EYA4: variants seen among roughly 807,000 people sequenced by gnomAD.
EYA4 encodes the protein protein phosphatase EYA4.
In EYA4, 31 loss-of-function variants were observed where a neutral mutation model predicts 87.9. The ratio of observed to expected loss-of-function variants is 0.35; its 90% CI spans 0.27 to 0.48. The LOEUF (loss-of-function observed/expected upper bound fraction) is 0.48. Among genes scored for constraint, EYA4 ranks in the 20% least tolerant of loss-of-function variants. EYA4 has a pLI of 0.99. For synonymous variants in EYA4, 263 were observed against 270.6 expected (o/e 0.97, Z 0.28); for missense variants, 678 against 761.4 (o/e 0.89, Z 1.29).
intron 2 of EYA4, among the ~76,000 whole-genome samples, chr6:133,364,666 A>G (rs763658205): frequency 3.4e-4 from 51 of 152,176 alleles, no homozygotes; most frequent in Non-Finnish European, 4.7e-4. Context: ...TCAGGTTATG[A>G]GTTTGCCAGG....
intron 3 of EYA4, among the ~76,000 whole-genome samples, chr6:133,418,506 C>T (rs74432100): frequency 0.028 from 4,193 of 152,272 alleles, 98 homozygotes; most frequent in Middle Eastern, 0.048. Flanking sequence ...TTTTCTTTGA[C>T]ATTTAACATT....
chr6:133,492,757 C>T (rs1487647609), intron 13 of EYA4, among the ~76,000 whole-genome samples: 1 of 152,088 alleles, frequency 6.6e-6, no homozygotes, highest in East Asian at 1.9e-4. Context: ...AGTAAAGTTG[C>T]AGGATACAGA....
chr6:133,357,140 G>A (rs1212476056), intron 2 of EYA4, among the ~76,000 whole-genome samples: 3 of 151,286 alleles, frequency 2.0e-5, no homozygotes, highest in South Asian at 2.1e-4. Context: ...GCTTCGTGGC[G>A]GGCGCCTGTA....
chr6:133,262,260 G>A (rs1775856157), intron 1 of EYA4, among the ~76,000 whole-genome samples: 1 of 152,216 alleles, frequency 6.6e-6, no homozygotes, highest in African/African-American at 2.4e-5. Context: ...TGAGAAAAAG[G>A]CAGATTGCTT....
intron 11 of EYA4, among the ~76,000 whole-genome samples, chr6:133,480,468 C>T (rs866321607): frequency 1.3e-5 from 2 of 152,116 alleles, no homozygotes; most frequent in Non-Finnish European, 2.9e-5. Flanking sequence ...CAGCCACTGG[C>T]CACACGTGAC....
chr6:133,430,145 T>G (rs1197576800), intron 3 of EYA4, among the ~76,000 whole-genome samples: 2 of 152,228 alleles, frequency 1.3e-5, no homozygotes, highest in African/African-American at 4.8e-5. Context: ...CTGCAGTAAA[T>G]TCACTTAGGA....
chr6:133,440,293 G>A (rs1792145463), intron 3 of EYA4, among the ~76,000 whole-genome samples: 1 of 152,212 alleles, frequency 6.6e-6, no homozygotes, highest in Middle Eastern at 3.4e-3. Flanking sequence ...CATATTTGAG[G>A]TGCTTACTTT....
At chr6:133,339,152 T>C (rs1268155220) in intron 2 of EYA4, among the ~76,000 whole-genome samples, 1 of 152,122 alleles carries the variant, frequency 6.6e-6, no homozygotes, top group Non-Finnish European at 1.5e-5. Context: ...GGTGAGAGTT[T>C]GGATAGCCTG....
At chr6:133,423,503 A>G (rs1790394391) in intron 3 of EYA4, among the ~76,000 whole-genome samples, 1 of 152,210 alleles carries the variant, frequency 6.6e-6, no homozygotes, top group Admixed American at 6.5e-5. Context: ...GTTTGATACA[A>G]TGTTTCATTG....
chr6:133,492,393 A>G (rs1257220201), intron 13 of EYA4, among the ~76,000 whole-genome samples: 1 of 152,226 alleles, frequency 6.6e-6, no homozygotes, highest in Non-Finnish European at 1.5e-5. Flanking sequence ...TATTTGATAA[A>G]ATTCAACATC....
intron 2 of EYA4, among the ~76,000 whole-genome samples, chr6:133,333,554 G>A (rs1782141038): frequency 6.6e-6 from 1 of 152,098 alleles, no homozygotes; most frequent in African/African-American, 2.4e-5. Flanking sequence ...CTTGGTGACA[G>A]TCTCTCAATA....
intron 3 of EYA4, among the ~76,000 whole-genome samples, chr6:133,410,834 C>A (rs971966537): frequency 1.3e-4 from 19 of 151,808 alleles, no homozygotes; most frequent in Non-Finnish European, 2.7e-4. Context: ...GGCATTGTTG[C>A]ATTTTACCAT....
At chr6:133,448,394 A>G (rs1179021752) in intron 5 of EYA4, among the ~76,000 whole-genome samples, 2 of 152,158 alleles carry the variant, frequency 1.3e-5, no homozygotes, top group African/African-American at 4.8e-5. Flanking sequence ...TAGTATTAGT[A>G]TTCTTTTCTT....
intron 3 of EYA4, among the ~76,000 whole-genome samples, chr6:133,441,026 A>G (rs981929022): frequency 1.3e-5 from 2 of 152,114 alleles, no homozygotes; most frequent in Non-Finnish European, 2.9e-5. Flanking sequence ...GTGGTGCTGT[A>G]AGGCTCTGGG....
At chr6:133,491,271 A>G (rs1797128958) in intron 13 of EYA4, among the ~76,000 whole-genome samples, 1 of 152,162 alleles carries the variant, frequency 6.6e-6, no homozygotes, top group African/African-American at 2.4e-5. Flanking sequence ...ACTTCAAATA[A>G]ACCACCTAAT....
At chr6:133,502,761 C>T (rs1460811368) in intron 13 of EYA4, 1 of 151,730 alleles carries the variant, frequency 6.6e-6, no homozygotes, top group African/African-American at 2.4e-5. Context: ...ATCACCACCT[C>T]TTACAGGCAT....
intron 3 of EYA4, among the ~76,000 whole-genome samples, chr6:133,409,419 G>GA (rs77873571): frequency 0.063 from 9,533 of 152,212 alleles, 866 homozygotes; most frequent in African/African-American, 0.19. Context: ...TATGCTAGGT[G>GA]AATATGGCAG....
intron 3 of EYA4, among the ~76,000 whole-genome samples, chr6:133,436,984 T>C (rs1166332810): frequency 1.3e-5 from 2 of 152,144 alleles, no homozygotes; most frequent in Non-Finnish European, 2.9e-5. Flanking sequence ...TAGAAAGAAA[T>C]TCCATCTATG....
At chr6:133,446,068 G>A (rs1299460562) in intron 3 of EYA4, among the ~76,000 whole-genome samples, 3 of 152,064 alleles carry the variant, frequency 2.0e-5, no homozygotes, top group Non-Finnish European at 2.9e-5. Flanking sequence ...AAGGTCAGCT[G>A]GAAGCTTCTG....
Sources: allele counts gnomAD v4.1 joint callset (sites outside exome capture counted in the v4.1 genomes callset), GRCh38; gene constraint gnomAD v4.1.1; transcripts MANE v1.5; gene names NCBI Gene and HGNC (gene_info 2026-07-23, HGNC 2026-07-21).